Variants in SPHKAP observed in about 807,000 individuals in gnomAD.
SPHKAP encodes the protein SPHK1 interactor, AKAP domain containing.
A neutral mutation model predicts 137.5 loss-of-function variants in SPHKAP; 67 were observed. The ratio of observed to expected loss-of-function variants is 0.49; its 90% CI spans 0.40 to 0.60. SPHKAP has a LOEUF of 0.60. SPHKAP is among the 20% of genes least tolerant of loss of function. SPHKAP has a pLI of 0.00. For missense variants in SPHKAP, 2,097 were observed against 2,069.3 expected, an observed-to-expected ratio of 1.01 and a Z score of -0.26; for synonymous variants, 813 against 785.3, an observed-to-expected ratio of 1.04 and a Z score of -0.59.
intron 2 of SPHKAP, 83 bp from the exon 3 acceptor site, chr2:228,109,022 T>G: frequency 1.1e-6 from 1 of 923,132 alleles, no homozygotes; most frequent in Non-Finnish European, 1.5e-6. Context: ...TTTTTTTTCT[T>G]ATAAAAAAAC....
At chr2:228,137,576 A>G (rs1403251095) in intron 1 of SPHKAP, among the ~76,000 whole-genome samples, 1 of 152,210 alleles carries the variant, frequency 6.6e-6, no homozygotes, top group African/African-American at 2.4e-5. Context: ...TCCTTAAAGA[A>G]TGCTCTTGGT....
At chr2:228,045,285 A>G (rs1413162580) in intron 3 of SPHKAP, among the ~76,000 whole-genome samples, 8 of 149,410 alleles carry the variant, frequency 5.4e-5, no homozygotes. Flanking sequence ...GCTGCTATAA[A>G]GACACATGCA....
At chr2:228,014,390 A>G (rs1481950837) in intron 7 of SPHKAP, among the ~76,000 whole-genome samples, 1 of 152,198 alleles carries the variant, frequency 6.6e-6, no homozygotes, top group Non-Finnish European at 1.5e-5. Context: ...AAAATTTGTA[A>G]TTCTCCAAAC....
At chr2:228,033,764 T>A (rs1695455394) in intron 3 of SPHKAP, among the ~76,000 whole-genome samples, 1 of 152,208 alleles carries the variant, frequency 6.6e-6, no homozygotes, top group South Asian at 2.1e-4. Context: ...CTGAACAACC[T>A]GCTCCTGAAT....
chr2:228,179,558 A>G (rs1307511576), intron 1 of SPHKAP, among the ~76,000 whole-genome samples: 1 of 152,174 alleles, frequency 6.6e-6, no homozygotes, highest in Non-Finnish European at 1.5e-5. Flanking sequence ...ACCCGAAATT[A>G]CTACACTGAT....
chr2:228,005,693 G>T (rs1352826541), intron 7 of SPHKAP, among the ~76,000 whole-genome samples: 2 of 152,172 alleles, frequency 1.3e-5, no homozygotes, highest in South Asian at 2.1e-4. Context: ...GGTACCAGTT[G>T]TTCCTTTCCA....
At chr2:228,132,179 A>T in intron 1 of SPHKAP, 94 bp from the exon 2 acceptor site, 1 of 1,093,602 alleles carries the variant, frequency 9.1e-7, no homozygotes, top group Non-Finnish European at 1.4e-6. Flanking sequence ...GTGTATCAAA[A>T]ATCATCTTTT....
At chr2:228,043,117 A>G (rs1695912760) in intron 3 of SPHKAP, among the ~76,000 whole-genome samples, 1 of 152,224 alleles carries the variant, frequency 6.6e-6, no homozygotes, top group Non-Finnish European at 1.5e-5. Flanking sequence ...AAAATGAATA[A>G]TGCTGAGAGA....
At position 228,091,606 on chromosome 2, in the gene SPHKAP, A is replaced by G. The variant is rs1347282852; in HGVS notation, c.246+17226T>C. 2.0e-5 allele frequency among the ~76,000 whole-genome samples: 3 copies of G among 152,330 alleles called. No individual in the cohort carries two copies. The East Asian group carries it at 5.8e-4, about 29-fold the overall frequency. On this transcript the variant is annotated intron_variant, in intron 3 of 11. Coordinates refer to ENST00000392056, the MANE Select transcript of SPHKAP (RefSeq NM_001142644.2). ...AACAATCCCATTGAAAAGTGTGCTA[A>G]GGACATAAATAGACAATTCTGAAAA...
At chr2:228,098,157 A>G (rs1056515669) in intron 3 of SPHKAP, among the ~76,000 whole-genome samples, 2 of 151,764 alleles carry the variant, frequency 1.3e-5, no homozygotes, top group African/African-American at 2.4e-5. Flanking sequence ...TTTTTTTTAA[A>G]TCTTAACAAA....
chr2:228,177,955 T>G (rs1346892381), intron 1 of SPHKAP, among the ~76,000 whole-genome samples: 1 of 152,158 alleles, frequency 6.6e-6, no homozygotes, highest in Non-Finnish European at 1.5e-5. Flanking sequence ...AGTATAACAA[T>G]GCAAATGTTT....
chr2:228,162,313 A>G (rs1429858461), intron 1 of SPHKAP, among the ~76,000 whole-genome samples: 1 of 152,214 alleles, frequency 6.6e-6, no homozygotes, highest in Non-Finnish European at 1.5e-5. Flanking sequence ...AAATTAGAGA[A>G]TTTATTAATA....
At chr2:227,995,901 A>G (rs900480358) in intron 7 of SPHKAP, 14 of 972,352 alleles carry the variant, frequency 1.4e-5, no homozygotes, top group Middle Eastern at 5.2e-4. Flanking sequence ...CATCTCTTCT[A>G]TTAATCTCTT....
rs946764455 is a variant in SPHKAP at position 227,995,690 on chromosome 2, T to C, written c.4453A>G (p.Ser1485Gly). ...TCTGGTACATCTCTGGTATCAAGGC[T>C]GTCACTGTAGAGGGCAAGATATTAT... ...AVSACQIHSD[S>G]LDTRDVPEAE... Residue 1485 changes from serine (S) to glycine (G), a missense_variant, in exon 8 of 12, where the codon AGC (serine) becomes GGC (glycine). Ser to Gly is a moderately conservative substitution (Grantham distance 56, BLOSUM62 0). Transcript: ENST00000392056. 1.9e-6 allele frequency: 3 copies of C among 1,594,966 alleles called. No homozygotes were observed. Among genetic ancestry groups the C allele is most frequent in the African/African-American group, 2.7e-5 (2 of 74,082 alleles).
chr2:228,076,822 C>A (rs540744184), intron 3 of SPHKAP, among the ~76,000 whole-genome samples: 9 of 152,262 alleles, frequency 5.9e-5, no homozygotes, highest in Non-Finnish European at 1.2e-4. Context: ...TAACAAGAAG[C>A]CAAATGTTAA....
chr2:228,154,532 ATTTTTTTTTTTTTT>A (rs1168623467), intron 1 of SPHKAP, among the ~76,000 whole-genome samples: 1 of 29,406 alleles, frequency 3.4e-5, no homozygotes, highest in Non-Finnish European at 5.8e-5. Context: ...ATATATATAT[ATTTTTTTTTTTTTT>A]TTTTTTTTTT....
At chr2:228,150,418 G>T (rs1421697184) in intron 1 of SPHKAP, among the ~76,000 whole-genome samples, 1 of 152,106 alleles carries the variant, frequency 6.6e-6, no homozygotes, top group East Asian at 1.9e-4. Flanking sequence ...GAAATTTTCT[G>T]TTAGAAGGTT....
At position 228,018,769 on chromosome 2, in the gene SPHKAP, G is replaced by A; in HGVS notation, c.2085C>T (p.Asn695=). ...HKNMIIDPND[N]RHSSEILDTL... is the part of the protein sequence containing the mutation. The stretch of plus-strand genomic sequence containing the variant: ...TGTCCAGAATTTCAGATGAATGCCT[G>A]TTGTCATTGGGGTCGATTATCATAT... Residue 695 remains asparagine (N), a synonymous_variant, in exon 7 of 12, where the codon AAC becomes AAT. Transcript: ENST00000392056. The A allele has an allele frequency of 3.7e-6, 6 of 1,614,188 alleles. No homozygotes were observed. Among genetic ancestry groups the A allele is most frequent in the Non-Finnish European group, 5.1e-6 (6 of 1,180,040 alleles).
intron 3 of SPHKAP, among the ~76,000 whole-genome samples, chr2:228,055,269 T>C (rs868650957): frequency 2.0e-5 from 3 of 150,788 alleles, no homozygotes; most frequent in African/African-American, 7.3e-5. Flanking sequence ...GAGAGAGAAA[T>C]GGAGAAGATA....
Sources: allele counts gnomAD v4.1 joint callset (sites outside exome capture counted in the v4.1 genomes callset), GRCh38; gene constraint gnomAD v4.1.1; transcripts MANE v1.5; gene names NCBI Gene and HGNC (gene_info 2026-07-23, HGNC 2026-07-21).